Variants in RGS6 observed in about 807,000 individuals in gnomAD.
RGS6 encodes regulator of G-protein signaling 6.
Under a neutral mutation model 78.5 loss-of-function variants are expected in RGS6, and 30 were observed. That is an observed-to-expected ratio of 0.38 (90% confidence interval 0.29 to 0.52). The LOEUF (loss-of-function observed/expected upper bound fraction) is 0.52, where lower values mean the gene tolerates loss of function less well. Among genes scored for constraint, RGS6 ranks in the 20% least tolerant of loss-of-function variants. RGS6 has a pLI of 0.85. For missense variants in RGS6, 495 were observed against 609.7 expected, an observed-to-expected ratio of 0.81 and a Z score of 1.98; for synonymous variants, 206 against 206.0, an observed-to-expected ratio of 1.00 and a Z score of 0.00.
At chr14:72,556,562 T>C (rs1250354758) in intron 17 of RGS6, among the ~76,000 whole-genome samples, 1 of 152,096 alleles carries the variant, frequency 6.6e-6, no homozygotes, top group Non-Finnish European at 1.5e-5. Context: ...TGGGAATTGC[T>C]TTCAGAAGAC....
chr14:72,300,833 G>A (rs1417223939), intron 2 of RGS6, among the ~76,000 whole-genome samples: 1 of 152,158 alleles, frequency 6.6e-6, no homozygotes, highest in African/African-American at 2.4e-5. Flanking sequence ...TCAAGCACCA[G>A]GTTCATCTGA....
At chr14:72,191,064 A>G (rs1006793973) in intron 2 of RGS6, among the ~76,000 whole-genome samples, 5 of 152,140 alleles carry the variant, frequency 3.3e-5, no homozygotes, top group Non-Finnish European at 7.4e-5. Flanking sequence ...TATCTTGTCA[A>G]TATTATTCCA....
At chr14:72,163,218 T>A (rs1323639826) in intron 2 of RGS6, among the ~76,000 whole-genome samples, 3 of 152,100 alleles carry the variant, frequency 2.0e-5, no homozygotes, top group African/African-American at 7.2e-5. Flanking sequence ...TAAAAAATAA[T>A]AAAAATAAAA....
intron 2 of RGS6, among the ~76,000 whole-genome samples, chr14:72,294,387 G>A (rs886196851): frequency 3.3e-5 from 5 of 152,206 alleles, no homozygotes; most frequent in African/African-American, 1.2e-4. Context: ...CCCCAGGTAA[G>A]AGGAACCCCA....
chr14:72,120,166 C>T (rs1339705775), intron 2 of RGS6, among the ~76,000 whole-genome samples: 1 of 152,108 alleles, frequency 6.6e-6, no homozygotes, highest in Non-Finnish European at 1.5e-5. Flanking sequence ...GGATATAATT[C>T]AGATTTAAAC....
chr14:72,171,371 T>C (rs983429774), intron 2 of RGS6, among the ~76,000 whole-genome samples: 3 of 152,134 alleles, frequency 2.0e-5, no homozygotes, highest in African/African-American at 7.2e-5. Flanking sequence ...GAACGTCATA[T>C]ACAAGAACTA....
intron 3 of RGS6, among the ~76,000 whole-genome samples, chr14:72,375,891 C>G (rs556243377): frequency 1.3e-5 from 2 of 152,214 alleles, no homozygotes; most frequent in Non-Finnish European, 2.9e-5. Flanking sequence ...TAAACCTACT[C>G]CATAAAATTG....
At chr14:71,973,407 A>G (rs372741691) in intron 2 of RGS6, among the ~76,000 whole-genome samples, 2 of 150,250 alleles carry the variant, frequency 1.3e-5, no homozygotes, top group African/African-American at 4.9e-5. Context: ...ATTCCTGGCC[A>G]CATGCAGTGG....
chr14:72,099,002 TG>T (rs1481441773), intron 2 of RGS6, among the ~76,000 whole-genome samples: 3 of 152,314 alleles, frequency 2.0e-5, no homozygotes, highest in African/African-American at 7.2e-5. Flanking sequence ...TCCTTAGAAT[TG>T]TATGGCTTTT....
chr14:72,011,819 T>C (rs1383572448), intron 2 of RGS6, among the ~76,000 whole-genome samples: 1 of 152,046 alleles, frequency 6.6e-6, no homozygotes, highest in Non-Finnish European at 1.5e-5. Flanking sequence ...TACTGAGGGG[T>C]GACTGTAACT....
At chr14:72,544,478 G>A (rs1387802578) in intron 17 of RGS6, among the ~76,000 whole-genome samples, 2 of 152,162 alleles carry the variant, frequency 1.3e-5, no homozygotes, top group South Asian at 2.1e-4. Context: ...GGTTGCTGGT[G>A]CCAGAGCAAG....
At chr14:72,178,499 T>G (rs1444374420) in intron 2 of RGS6, among the ~76,000 whole-genome samples, 1 of 152,240 alleles carries the variant, frequency 6.6e-6, no homozygotes. Context: ...TTACAACTTG[T>G]GTTTATTATT....
the RGS6 span, among the ~76,000 whole-genome samples, chr14:71,895,333 A>G: frequency 4.4e-3 from 664 of 151,738 alleles, 8 homozygotes; most frequent in African/African-American, 0.014. Context: ...ATAGGCGCCC[A>G]TCACCACACC....
chr14:72,011,779 G>T (rs74897976), intron 2 of RGS6, among the ~76,000 whole-genome samples: 104 of 152,064 alleles, frequency 6.8e-4, no homozygotes, highest in Non-Finnish European at 8.7e-4. Context: ...GGTATCCTCT[G>T]GGGGGGTACT....
At chr14:71,877,387 T>C in the RGS6 span, among the ~76,000 whole-genome samples, 3 of 152,212 alleles carry the variant, frequency 2.0e-5, no homozygotes, top group Non-Finnish European at 4.4e-5. Flanking sequence ...TTAACTCTTC[T>C]TTTCTCTAAA....
At chr14:71,999,213 G>C (rs747125877) in intron 2 of RGS6, among the ~76,000 whole-genome samples, 4 of 152,232 alleles carry the variant, frequency 2.6e-5, no homozygotes, top group Non-Finnish European at 5.9e-5. Flanking sequence ...TAAAACCGGA[G>C]AGCGTCAGTC....
At chr14:72,195,380 C>T (rs2039830241) in intron 2 of RGS6, among the ~76,000 whole-genome samples, 1 of 152,048 alleles carries the variant, frequency 6.6e-6, no homozygotes, top group Non-Finnish European at 1.5e-5. Context: ...TAGGCAGAGG[C>T]CAGGGCTATG....
intron 2 of RGS6, among the ~76,000 whole-genome samples, chr14:71,985,248 C>A (rs193158421): frequency 6.6e-6 from 1 of 152,126 alleles, no homozygotes; most frequent in Non-Finnish European, 1.5e-5. Flanking sequence ...CTCAGCCTCC[C>A]GAGTAGCTGG....
At chr14:71,873,486 G>T in the RGS6 span, among the ~76,000 whole-genome samples, 3 of 151,986 alleles carry the variant, frequency 2.0e-5, no homozygotes, top group African/African-American at 7.3e-5. Flanking sequence ...TTTTGATGGG[G>T]TTTTTTGATT....
Sources: allele counts gnomAD v4.1 joint callset (sites outside exome capture counted in the v4.1 genomes callset), GRCh38; gene constraint gnomAD v4.1.1; transcripts MANE v1.5; gene names NCBI Gene and HGNC (gene_info 2026-07-23, HGNC 2026-07-21).